The following PAK1 variants were observed in gnomAD, a reference collection of about 807,000 sequenced individuals.
The protein encoded by PAK1 is p21 (RAC1) activated kinase 1, also known as serine/threonine-protein kinase PAK 1.
PAK1 carries 29 observed loss-of-function variants against 67.4 expected under a neutral mutation model. That is an observed-to-expected ratio of 0.43 (90% CI 0.32 to 0.59). The LOEUF (loss-of-function observed/expected upper bound fraction) is 0.59. PAK1 is among the 20% of genes least tolerant of loss of function. The pLI is 0.07. For missense variants in PAK1, 337 were observed against 670.7 expected, an observed-to-expected ratio of 0.50 and a Z score of 5.50; for synonymous variants, 223 against 237.4, an observed-to-expected ratio of 0.94 and a Z score of 0.56.
chr11:77,363,884 T>C (rs541403704), intron 5 of PAK1, among the ~76,000 whole-genome samples: 1 of 152,386 alleles, frequency 6.6e-6, no homozygotes, highest in East Asian at 1.9e-4. Flanking sequence ...TCTGGCATTC[T>C]GGGCAAGGGA....
At chr11:77,479,602 CTTTTTTT>C (rs34649009), upstream of PAK1, among the ~76,000 whole-genome samples, 1 of 80,536 alleles carries the variant, frequency 1.2e-5, no homozygotes, top group African/African-American at 5.4e-5. Context: ...GAAAAATAAA[CTTTTTTT>C]TTTTTTTTTT....
At chr11:77,445,996 G>A (rs1439538938) in intron 1 of PAK1, among the ~76,000 whole-genome samples, 1 of 152,116 alleles carries the variant, frequency 6.6e-6, no homozygotes, top group African/African-American at 2.4e-5. Context: ...ACAGTTCATA[G>A]TACATGCTCA....
the PAK1 span, among the ~76,000 whole-genome samples, chr11:77,498,144 ATAGTT>A: frequency 6.6e-6 from 1 of 152,190 alleles, no homozygotes; most frequent in African/African-American, 2.4e-5. Context: ...AATAAAATCT[ATAGTT>A]TAGTTAATAA....
chr11:77,391,979 A>T (rs1268153250), intron 2 of PAK1, among the ~76,000 whole-genome samples: 1 of 152,224 alleles, frequency 6.6e-6, no homozygotes, highest in African/African-American at 2.4e-5. Flanking sequence ...TTCCAATTGA[A>T]ACTAACTCGG....
chr11:77,365,138 G>C (rs1947323864), intron 5 of PAK1, among the ~76,000 whole-genome samples: 1 of 151,636 alleles, frequency 6.6e-6, no homozygotes, highest in African/African-American at 2.4e-5. Flanking sequence ...TGTTGTCCCA[G>C]TTACTCAAGA....
chr11:77,362,908 G>A (rs151050406), intron 5 of PAK1, among the ~76,000 whole-genome samples: 9 of 152,312 alleles, frequency 5.9e-5, no homozygotes, highest in Non-Finnish European at 1.2e-4. Context: ...ACTATTAACT[G>A]ACTTAAACCA....
intron 6 of PAK1, among the ~76,000 whole-genome samples, chr11:77,357,457 T>A (rs1946189967): frequency 6.6e-6 from 1 of 152,200 alleles, no homozygotes; most frequent in Non-Finnish European, 1.5e-5. Context: ...CACCTAAACC[T>A]GTACTTCCAT....
At chr11:77,499,524 A>G in the PAK1 span, among the ~76,000 whole-genome samples, 2 of 152,104 alleles carry the variant, frequency 1.3e-5, no homozygotes, top group Non-Finnish European at 2.9e-5. Flanking sequence ...CCTTCACTGT[A>G]TAGTTCCTAC....
At chr11:77,376,590 AG>A (rs1949114517) in intron 4 of PAK1, among the ~76,000 whole-genome samples, 1 of 151,990 alleles carries the variant, frequency 6.6e-6, no homozygotes, top group Non-Finnish European at 1.5e-5. Flanking sequence ...TACAAAAATT[AG>A]CCAGGCATAG....
chr11:77,495,692 G>T, the PAK1 span, among the ~76,000 whole-genome samples: 11 of 152,238 alleles, frequency 7.2e-5, no homozygotes, highest in African/African-American at 2.4e-4. Context: ...TACATACAAT[G>T]GAATATTATT....
At chr11:77,436,609 T>C (rs997095270) in intron 1 of PAK1, among the ~76,000 whole-genome samples, 2 of 152,216 alleles carry the variant, frequency 1.3e-5, no homozygotes, top group Non-Finnish European at 2.9e-5. Context: ...ATGTAACTTA[T>C]AGGATAGAAC....
At chr11:77,510,218 G>A in the PAK1 span, among the ~76,000 whole-genome samples, 4 of 152,190 alleles carry the variant, frequency 2.6e-5, no homozygotes, top group South Asian at 8.3e-4. Flanking sequence ...TGTACTTTGT[G>A]ATTCACTTAT....
chr11:77,326,392 C>A (rs1172603664), intron 14 of PAK1, among the ~76,000 whole-genome samples: 1 of 152,170 alleles, frequency 6.6e-6, no homozygotes, highest in Non-Finnish European at 1.5e-5. Flanking sequence ...CACTAATTAT[C>A]TTCTAAACTT....
the PAK1 span, among the ~76,000 whole-genome samples, chr11:77,490,998 C>G: frequency 6.6e-6 from 1 of 152,066 alleles, no homozygotes; most frequent in Non-Finnish European, 1.5e-5. Context: ...CTGCGGAAGG[C>G]CGAAGGGTCC....
chr11:77,461,935 T>C (rs1429293612), intron 1 of PAK1, among the ~76,000 whole-genome samples: 1 of 152,172 alleles, frequency 6.6e-6, no homozygotes, highest in African/African-American at 2.4e-5. Flanking sequence ...AGGGTCTCAG[T>C]CCAATGCCAT....
At chr11:77,347,626 C>G (rs186954953) in intron 9 of PAK1, among the ~76,000 whole-genome samples, 280 of 152,242 alleles carry the variant, frequency 1.8e-3, no homozygotes, top group African/African-American at 6.5e-3. Context: ...GTCAATATTA[C>G]AAGGCTTTTA....
the PAK1 span, among the ~76,000 whole-genome samples, chr11:77,484,860 G>A: frequency 1.3e-5 from 2 of 152,186 alleles, no homozygotes; most frequent in African/African-American, 4.8e-5. Flanking sequence ...CAAAAGAAAG[G>A]TTTACTGGAT....
chr11:77,394,629 G>A (rs61685578), intron 1 of PAK1, among the ~76,000 whole-genome samples: 6,122 of 152,176 alleles, frequency 0.04, 403 homozygotes, highest in African/African-American at 0.14. Context: ...GGCAGATCAC[G>A]AGGTCAAGAG....
intron 1 of PAK1, among the ~76,000 whole-genome samples, chr11:77,452,051 C>T (rs1024954605): frequency 2.0e-5 from 3 of 152,160 alleles, no homozygotes; most frequent in Non-Finnish European, 2.9e-5. Flanking sequence ...GAAAAAACTA[C>T]GTTCACAGAA....
Sources: gnomAD v4.1 joint callset for allele counts (sites outside exome capture counted in the v4.1 genomes callset) on GRCh38, gnomAD v4.1.1 for gene constraint, MANE v1.5 for transcripts, NCBI Gene and HGNC (gene_info 2026-07-23, HGNC 2026-07-21) for gene names.